The following DNAH10 variants were observed in gnomAD, a reference collection of about 807,000 sequenced individuals.
DNAH10 encodes the protein dynein axonemal heavy chain 10, also known as axonemal beta dynein heavy chain 10.
A neutral mutation model predicts 506.6 loss-of-function variants in DNAH10; 348 were observed. That is an observed-to-expected ratio of 0.69 (90% CI 0.63 to 0.75). DNAH10 has a LOEUF of 0.75. Among genes scored for constraint, DNAH10 ranks in the 30% least tolerant of loss-of-function variants. DNAH10 has a pLI of 0.00. For synonymous variants in DNAH10, 2,059 were observed against 2,198.6 expected (o/e 0.94, Z 1.78); for missense variants, 5,179 against 5,787.1 (o/e 0.89, Z 3.41).
intron 19 of DNAH10, among the ~76,000 whole-genome samples, chr12:123,809,471 C>A (rs1004067911): frequency 6.6e-6 from 1 of 151,380 alleles, no homozygotes; most frequent in Non-Finnish European, 1.5e-5. Flanking sequence ...CATGGTGAGA[C>A]CCCCCCATCT....
chr12:123,931,395 C>T lies in DNAH10; in HGVS notation c.12839C>T (p.Pro4280Leu). ...ACGCCAGAAGTGTTTGGTCTCCACCCCAACGCTGAGATTGGCTATTACACG... is the reference window on the plus strand; with the variant it reads ...ACGCCAGAAGTGTTTGGTCTCCACCTCAACGCTGAGATTGGCTATTACACG... The part of the protein sequence containing the change: ...ANTPEVFGLH[P>L]NAEIGYYTQA... Residue 4280 changes from proline (P) to leucine (L), a missense_variant, in exon 74 of 79, where the codon CCC becomes CTC. Pro to Leu is a moderately conservative substitution (Grantham distance 98). Coordinates refer to ENST00000673944, the MANE Select transcript of DNAH10 (RefSeq NM_001372106.1). The T allele has an allele frequency of 1.2e-6, 2 of 1,613,982 alleles. No individual in the cohort carries two copies. Among genetic ancestry groups the T allele is most frequent in the South Asian group, 1.1e-5 (1 of 91,076 alleles).
intron 10 of DNAH10, among the ~76,000 whole-genome samples, chr12:123,789,117 G>A (rs553438418): frequency 5.3e-5 from 8 of 151,486 alleles, no homozygotes; most frequent in Admixed American, 3.3e-4. Context: ...GCGTGGTGGC[G>A]GGCGCCTGTA....
intron 19 of DNAH10, among the ~76,000 whole-genome samples, chr12:123,812,059 T>C (rs903843596): frequency 1.4e-4 from 21 of 152,236 alleles, no homozygotes; most frequent in Non-Finnish European, 8.8e-5. Flanking sequence ...CACCAACCTA[T>C]AGTAGTTGTT....
At chr12:123,848,294 G>A (rs895927740) in intron 33 of DNAH10, among the ~76,000 whole-genome samples, 199 bp downstream of exon 33, 33 of 152,304 alleles carry the variant, frequency 2.2e-4, no homozygotes, top group Non-Finnish European at 2.8e-4. Flanking sequence ...CAAGAGTCCC[G>A]GATTCACTAC....
intron 59 of DNAH10, among the ~76,000 whole-genome samples, chr12:123,912,449 G>A (rs1954257790): frequency 1.4e-5 from 1 of 73,070 alleles, no homozygotes; most frequent in Non-Finnish European, 2.5e-5. Context: ...TCTGTCCTGG[G>A]GGGTCTGTCC....
At chr12:123,765,339 G>A (rs997580825) in intron 1 of DNAH10, among the ~76,000 whole-genome samples, 1 of 152,152 alleles carries the variant, frequency 6.6e-6, no homozygotes, top group South Asian at 2.1e-4. Flanking sequence ...CATAACACAT[G>A]TTCTCTTATG....
chr12:123,925,259 T>TC lies in DNAH10; in HGVS notation c.11921+57dup. 1.9e-6 allele frequency: 3 copies of TC among 1,609,048 alleles called. No homozygotes were observed. In the South Asian group the frequency reaches 3.3e-5, roughly 18 times the overall value. Reference sequence around the variant, plus strand: ...TTTCCGTGGGGTGGAATCTCTAGCGTCCTCCCACCTTGGACTCAAAGAAAG... The same window carrying TC: ...TTTCCGTGGGGTGGAATCTCTAGCGTCCCTCCCACCTTGGACTCAAAGAAAG... On this transcript the variant is annotated intron_variant, in intron 68 of 78. Coordinates refer to ENST00000673944, the MANE Select transcript of DNAH10 (RefSeq NM_001372106.1). This position sits in a 1 kb window ranked among gnomAD's most constrained non-coding sequence, Gnocchi z 4.0.
At position 123,846,040 on chromosome 12, in the gene DNAH10, G is replaced by C; in HGVS notation, c.5700G>C (p.Glu1900Asp). 6.2e-7 allele frequency: 1 copy of C among 1,614,030 alleles called. No homozygotes were observed. The highest frequency in any genetic ancestry group is 1.1e-5 in the South Asian group (1 of 91,086). The change falls in exon 32 of 79, where the codon GAG (glutamate) becomes GAC (aspartate). Residue 1900 changes from glutamate (E) to aspartate (D), a missense_variant. This residue lies in a region of DNAH10 where 4,844 missense variants were observed against 5,430.5 expected (regional missense o/e 0.89). Transcript: ENST00000673944. This position sits in a 1 kb window ranked among gnomAD's most constrained non-coding sequence, Gnocchi z 4.5. ...TTTATTGGGACCGGGAGCCGGATGA[G>C]CTGAACATCCGCCAGTGCACGGGAA... ...LRFYWDREPD[E>D]LNIRQCTGTF...
intron 67 of DNAH10, 87 bp downstream of exon 67, chr12:123,924,519 A>T: frequency 6.6e-7 from 1 of 1,511,880 alleles, no homozygotes; most frequent in South Asian, 1.3e-5. Context: ...CCTTAAGAGA[A>T]GACACTCCTT....
chr12:123,776,591 A>AT (rs1191150378), intron 5 of DNAH10, among the ~76,000 whole-genome samples: 3 of 151,728 alleles, frequency 2.0e-5, no homozygotes, highest in African/African-American at 7.3e-5. Flanking sequence ...TATGGTGGTC[A>AT]TGCCACTGCA....
At chr12:123,866,216 C>T in intron 41 of DNAH10, 143 bp downstream of exon 41, 1 of 172,854 alleles carries the variant, frequency 5.8e-6, no homozygotes. Context: ...TAAGTGAAAA[C>T]ATGGCAGACA....
At chr12:123,772,744 A>G in intron 3 of DNAH10, 90 bp from the exon 4 acceptor site, 1 of 945,722 alleles carries the variant, frequency 1.1e-6, no homozygotes. Context: ...CATTGTGTTG[A>G]GAGGAGAGCT....
intron 52 of DNAH10, among the ~76,000 whole-genome samples, chr12:123,890,126 C>T (rs1193522232): frequency 4.6e-5 from 7 of 152,182 alleles, no homozygotes; most frequent in Non-Finnish European, 1.0e-4. Context: ...CCATGGACAC[C>T]TTTAGAGGGC....
Position 123,887,118 on chromosome 12 carries a change from A to G in DNAH10, c.8824-24A>G, listed in dbSNP as rs774512727. 3 of 1,584,430 alleles carry G rather than the reference A, an allele frequency of 1.9e-6. No individual in the cohort carries two copies. In the Admixed American group the frequency reaches 5.4e-5, roughly 28 times the overall value. On this transcript the variant is annotated intron_variant, in intron 51 of 78. Transcript: ENST00000673944. The stretch of plus-strand genomic sequence containing the variant: ...AGGGAGGCTGGTGGTGGTGACGCCC[A>G]TGTGCTCTGTGTCTGCATCGCAGGT...
chr12:123,851,799 G>GGT (rs1951188012), intron 35 of DNAH10, among the ~76,000 whole-genome samples: 1 of 152,156 alleles, frequency 6.6e-6, no homozygotes, highest in Non-Finnish European at 1.5e-5. Context: ...AGAGAGACAG[G>GGT]GTCTTACTCT....
At chr12:123,818,750 G>A (rs936729887) in intron 21 of DNAH10, among the ~76,000 whole-genome samples, 200 bp from the exon 22 acceptor site, 23 of 152,102 alleles carry the variant, frequency 1.5e-4, no homozygotes, top group African/African-American at 5.3e-4. Flanking sequence ...CCAAAGTACT[G>A]GGATTACAGC....
intron 40 of DNAH10, among the ~76,000 whole-genome samples, chr12:123,865,566 G>A (rs762648564): frequency 3.0e-4 from 46 of 151,786 alleles, no homozygotes; most frequent in Non-Finnish European, 5.7e-4. Context: ...GTTTTATACT[G>A]CCTGATCTCA....
chr12:123,773,675 C>T (rs1237638969), intron 4 of DNAH10, among the ~76,000 whole-genome samples: 1 of 152,208 alleles, frequency 6.6e-6, no homozygotes, highest in Non-Finnish European at 1.5e-5. Flanking sequence ...AGAGCAAGCT[C>T]TCCTGTCTCT....
chr12:123,769,312 ATT>A (rs762803847), intron 2 of DNAH10, among the ~76,000 whole-genome samples: 1 of 144,930 alleles, frequency 6.9e-6, no homozygotes, highest in Non-Finnish European at 1.5e-5. Context: ...CATCCAGCTA[ATT>A]TTTTTTTTTT....
Sources: gnomAD v4.1 joint callset for allele counts (sites outside exome capture counted in the v4.1 genomes callset) on GRCh38, gnomAD v4.1.1 for gene constraint, gnomAD v4.1.1 regional missense constraint, Gnocchi (gnomAD v3.1) non-coding constraint, MANE v1.5 for transcripts, NCBI Gene and HGNC (gene_info 2026-07-23, HGNC 2026-07-21) for gene names.